Variants in STK3 observed in about 807,000 individuals in gnomAD.
STK3 encodes the protein serine/threonine kinase 3.
In STK3, 41 loss-of-function variants were observed where a neutral mutation model predicts 58.0. The ratio of observed to expected loss-of-function variants is 0.71; its 90% CI spans 0.55 to 0.92. The LOEUF is 0.92. Ranked by LOEUF, STK3 falls within the 40% of genes least tolerant of loss-of-function variation. STK3 has a pLI of 0.00. For missense variants in STK3, 479 were observed against 602.7 expected (o/e 0.79, Z 2.15); for synonymous variants, 170 against 191.0 (o/e 0.89, Z 0.91).
At chr8:98,417,788 G>A (rs988075608) in intron 3 of STK3, among the ~76,000 whole-genome samples, 27 of 152,258 alleles carry the variant, frequency 1.8e-4, no homozygotes, top group African/African-American at 5.3e-4. Flanking sequence ...CAAAGAGGCC[G>A]TCCCAGCCAA....
At chr8:98,351,600 C>G in the STK3 span, among the ~76,000 whole-genome samples, 1 of 152,066 alleles carries the variant, frequency 6.6e-6, no homozygotes, top group Non-Finnish European at 1.5e-5. Flanking sequence ...TATGCTTTCT[C>G]TGCTATATAA....
At chr8:98,702,012 G>A (rs1825662035) in intron 6 of STK3, among the ~76,000 whole-genome samples, 3 of 152,090 alleles carry the variant, frequency 2.0e-5, no homozygotes, top group East Asian at 1.9e-4. Context: ...ATGTTTCAAT[G>A]TGTACATCAT....
intron 1 of STK3, chr8:98,889,900 A>T (rs1241113088): frequency 6.6e-6 from 1 of 152,220 alleles, no homozygotes; most frequent in Non-Finnish European, 1.5e-5. Context: ...GTCAATTCCA[A>T]ATCTATCAAG....
chr8:98,604,740 T>C (rs2130108623), intron 6 of STK3, among the ~76,000 whole-genome samples: 1 of 152,326 alleles, frequency 6.6e-6, no homozygotes, highest in Non-Finnish European at 1.5e-5. Context: ...TTCTACCACA[T>C]GGCTGGGCTA....
downstream of STK3, chr8:98,879,656 G>C (rs971863452): frequency 1.3e-5 from 2 of 152,046 alleles, no homozygotes; most frequent in African/African-American, 4.8e-5. Context: ...TATAAAGCCT[G>C]ACTTTTTCTT....
At chr8:98,497,200 A>C (rs73275819) in intron 10 of STK3, among the ~76,000 whole-genome samples, 1 of 152,144 alleles carries the variant, frequency 6.6e-6, no homozygotes, top group Non-Finnish European at 1.5e-5. Context: ...TCAATGAGGG[A>C]AAGAATAATC....
intron 1 of STK3, among the ~76,000 whole-genome samples, chr8:98,885,194 G>A (rs1044588953): frequency 6.6e-6 from 1 of 152,092 alleles, no homozygotes; most frequent in African/African-American, 2.4e-5. Flanking sequence ...AAAATCAATG[G>A]GTAATTAACT....
At chr8:98,375,404 A>G (rs973144701) in intron 2 of STK3, among the ~76,000 whole-genome samples, 2 of 152,240 alleles carry the variant, frequency 1.3e-5, no homozygotes, top group Non-Finnish European at 2.9e-5. Context: ...ATATCTACCT[A>G]GAAAATTCCA....
chr8:98,938,079 T>G (rs1337612416), intron 1 of STK3, among the ~76,000 whole-genome samples: 1 of 152,134 alleles, frequency 6.6e-6, no homozygotes, highest in Non-Finnish European at 1.5e-5. Flanking sequence ...ATGACTATGG[T>G]CAGTATGAAA....
intron 2 of STK3, among the ~76,000 whole-genome samples, chr8:98,772,054 T>C (rs1192430643): frequency 6.6e-6 from 1 of 152,226 alleles, no homozygotes; most frequent in Admixed American, 6.5e-5. Flanking sequence ...AATTTAGAAC[T>C]AAAACTTTTA....
intron 1 of STK3, chr8:98,921,487 C>G (rs1839561907): frequency 6.5e-6 from 1 of 152,864 alleles, no homozygotes; most frequent in South Asian, 2.1e-4. Flanking sequence ...CCAGCCAGAT[C>G]AGCTGAATTA....
At chr8:98,874,779 A>G (rs570739904) in intron 3 of STK3, among the ~76,000 whole-genome samples, 2 of 150,320 alleles carry the variant, frequency 1.3e-5, no homozygotes, top group East Asian at 3.9e-4. Flanking sequence ...GGTGCACACC[A>G]TCACATCCTG....
the STK3 span, among the ~76,000 whole-genome samples, chr8:98,354,309 C>T: frequency 5.8e-4 from 89 of 152,296 alleles, no homozygotes; most frequent in Non-Finnish European, 7.9e-4. Flanking sequence ...TTTCTACCTT[C>T]CTCATCCAAG....
intron 1 of STK3, among the ~76,000 whole-genome samples, chr8:98,808,298 A>C (rs1834008028): frequency 6.6e-6 from 1 of 152,226 alleles, no homozygotes; most frequent in Admixed American, 6.5e-5. Flanking sequence ...TGTTTCTGAA[A>C]AGTCTGCAAA....
chr8:98,370,734 C>G (rs969316880), downstream of STK3, among the ~76,000 whole-genome samples: 1 of 152,136 alleles, frequency 6.6e-6, no homozygotes, highest in East Asian at 1.9e-4. Context: ...GGTTCAGAGC[C>G]AGATAAAATG....
At chr8:98,795,129 T>TATATATATACAC (rs1288218080) in intron 1 of STK3, among the ~76,000 whole-genome samples, 21 of 95,940 alleles carry the variant, frequency 2.2e-4, no homozygotes, top group African/African-American at 8.3e-4. Context: ...TATATATATA[T>TATATATATACAC]ACATACTAGT....
intron 10 of STK3, among the ~76,000 whole-genome samples, chr8:98,507,852 T>G (rs1824212885): frequency 6.6e-6 from 1 of 152,098 alleles, no homozygotes; most frequent in Non-Finnish European, 1.5e-5. Flanking sequence ...GTCCTTTACC[T>G]CCTTCAAGTC....
intron 10 of STK3, among the ~76,000 whole-genome samples, chr8:98,493,048 T>C (rs576429414): frequency 2.6e-5 from 4 of 151,408 alleles, no homozygotes; most frequent in Admixed American, 1.3e-4. Context: ...CTGGGTAACA[T>C]AGTGAGACCC....
intron 1 of STK3, among the ~76,000 whole-genome samples, chr8:98,792,892 CTGTA>C (rs1197984723): frequency 3.1e-5 from 3 of 98,136 alleles, no homozygotes; most frequent in Non-Finnish European, 6.3e-5. Flanking sequence ...GATAAAGAGA[CTGTA>C]TGTGTGTGTG....
Sources: allele counts gnomAD v4.1 joint callset (sites outside exome capture counted in the v4.1 genomes callset), GRCh38; gene constraint gnomAD v4.1.1; transcripts MANE v1.5; gene names NCBI Gene and HGNC (gene_info 2026-07-23, HGNC 2026-07-21).